CABCOCO1: variants seen among roughly 807,000 people sequenced by gnomAD.
CABCOCO1 encodes ciliary-associated calcium-binding coiled-coil protein 1.
In CABCOCO1, 28 loss-of-function variants were observed where a neutral mutation model predicts 35.7. That is an observed-to-expected ratio of 0.78 (90% CI 0.58 to 1.07). The LOEUF (loss-of-function observed/expected upper bound fraction) is 1.07, where lower values mean the gene tolerates loss of function less well. Among genes scored for constraint, CABCOCO1 ranks in the 50% least tolerant of loss-of-function variants. The probability of loss-of-function intolerance (pLI) is 0.00; values close to 1 mark genes in which losing one functional copy is unlikely to be tolerated. For synonymous variants in CABCOCO1, 95 were observed against 100.1 expected, an observed-to-expected ratio of 0.95 and a Z score of 0.30; for missense variants, 326 against 309.2, an observed-to-expected ratio of 1.05 and a Z score of -0.41.
At chr10:61,753,371 T>G (rs1841833194) in intron 5 of CABCOCO1, among the ~76,000 whole-genome samples, 1 of 152,152 alleles carries the variant, frequency 6.6e-6, no homozygotes, top group Non-Finnish European at 1.5e-5. Context: ...CATTCAATTT[T>G]TTTAACTATT....
chr10:61,766,372 G>C lies in CABCOCO1; in HGVS notation c.*359G>C, dbSNP rs968227965. The C allele has an allele frequency of 1.2e-5, 2 of 161,526 alleles. No individual in the cohort carries two copies. The highest frequency in any genetic ancestry group is 4.8e-5 in the African/African-American group (2 of 41,554). 10.0% of individuals were successfully genotyped at this position (161,526 alleles called of 1,614,324 possible). Reference sequence around the variant, plus strand: ...AACTTTTTAAATAACCAGAAATAAAGAAAGATGATAATAACTTCATCCATT... The same window carrying C: ...AACTTTTTAAATAACCAGAAATAAACAAAGATGATAATAACTTCATCCATT... On this transcript the variant is annotated 3_prime_UTR_variant, in exon 8 of 8. Coordinates refer to ENST00000648843, the MANE Select transcript of CABCOCO1 (RefSeq NM_001366906.2).
At chr10:61,700,877 G>A (rs1810620984) in intron 5 of CABCOCO1, among the ~76,000 whole-genome samples, 1 of 151,950 alleles carries the variant, frequency 6.6e-6, no homozygotes, top group South Asian at 2.1e-4. Context: ...GCTACTAAAT[G>A]TGTCCATTGT....
At chr10:61,704,460 C>T (rs1205631098) in intron 5 of CABCOCO1, among the ~76,000 whole-genome samples, 1 of 152,176 alleles carries the variant, frequency 6.6e-6, no homozygotes, top group African/African-American at 2.4e-5. Context: ...CACTTGGCAG[C>T]ATCTGGAGAG....
intron 3 of CABCOCO1, among the ~76,000 whole-genome samples, chr10:61,682,143 C>A (rs1839811382): frequency 6.6e-6 from 1 of 152,078 alleles, no homozygotes; most frequent in Non-Finnish European, 1.5e-5. Flanking sequence ...GAAGATATTT[C>A]TTTTTTAAAC....
intron 5 of CABCOCO1, among the ~76,000 whole-genome samples, chr10:61,739,824 C>G (rs368187278): frequency 2.9e-4 from 44 of 152,236 alleles, no homozygotes; most frequent in Admixed American, 1.7e-3. Flanking sequence ...TGCCTGTAGT[C>G]CCAGCTACAC....
At chr10:61,713,635 T>C (rs1194945388) in intron 5 of CABCOCO1, among the ~76,000 whole-genome samples, 5 of 152,216 alleles carry the variant, frequency 3.3e-5, no homozygotes, top group Non-Finnish European at 7.3e-5. Flanking sequence ...CCGTATGATA[T>C]TGGCTGTGGG....
At chr10:61,761,092 G>A (rs1842000043) in intron 7 of CABCOCO1, 89 bp downstream of exon 7, 2 of 1,345,394 alleles carry the variant, frequency 1.5e-6, no homozygotes, top group African/African-American at 3.0e-5. Flanking sequence ...TCCCCACACT[G>A]CCAGCATGAG....
Position 61,766,202 on chromosome 10 carries a change from C to G in CABCOCO1, c.*189C>G. ...TTTGCTATCTCCCATCCCATAACAG[C>G]CTCTGAATTTATTGCACCAAGTGTA... On this transcript the variant is annotated 3_prime_UTR_variant, in exon 8 of 8. Transcript: ENST00000648843. The G allele has an allele frequency of 2.1e-6, 1 of 475,116 alleles. No homozygotes were observed. Among genetic ancestry groups the G allele is most frequent in the South Asian group, 3.8e-5 (1 of 26,364 alleles). The allele number at this position is 475,116 out of a possible 1,614,324, so 29.4% of individuals were successfully genotyped here. A position where few individuals can be genotyped will look rare whatever the true frequency, so the allele number is the denominator to read the frequency against.
intron 5 of CABCOCO1, among the ~76,000 whole-genome samples, chr10:61,693,266 GC>G (rs1470254390): frequency 6.6e-6 from 1 of 152,112 alleles, no homozygotes; most frequent in Non-Finnish European, 1.5e-5. Flanking sequence ...AGAAGTGTTT[GC>G]TAACCCTTGG....
chr10:61,705,861 T>G (rs1210464248), intron 5 of CABCOCO1, among the ~76,000 whole-genome samples: 1 of 152,198 alleles, frequency 6.6e-6, no homozygotes, highest in South Asian at 2.1e-4. Context: ...TTTTAAAACA[T>G]GAAATCTATT....
At position 61,673,061 on chromosome 10, in the gene CABCOCO1, A is replaced by G. The variant is rs116018280; in HGVS notation, c.164+326A>G. On this transcript the variant is annotated intron_variant, in intron 2 of 7. Transcript: ENST00000648843. ...ACTGTCAATATGCACATTAACTTAAAGAATGTTCTCCCTCGTTGTAAGAAG... is the reference window on the plus strand; with the variant it reads ...ACTGTCAATATGCACATTAACTTAAGGAATGTTCTCCCTCGTTGTAAGAAG... Among the ~76,000 whole-genome samples the G allele has an allele frequency of 4.4e-3, 672 of 152,274 alleles. 6 individuals are homozygous for G. Among genetic ancestry groups the G allele is most frequent in the African/African-American group, 0.016 (653 of 41,554 alleles).
At chr10:61,671,967 C>T (rs1425673569) in intron 1 of CABCOCO1, among the ~76,000 whole-genome samples, 1 of 152,184 alleles carries the variant, frequency 6.6e-6, no homozygotes, top group Non-Finnish European at 1.5e-5. Flanking sequence ...TAAGATTGCC[C>T]ACCATACCTT....
At chr10:61,686,277 C>T in intron 4 of CABCOCO1, 92 bp downstream of exon 4, 1 of 1,097,164 alleles carries the variant, frequency 9.1e-7, no homozygotes, top group Non-Finnish European at 1.3e-6. Flanking sequence ...TTAGCAGATT[C>T]AGATATTTAC....
intron 2 of CABCOCO1, among the ~76,000 whole-genome samples, chr10:61,676,283 A>G (rs1486012841): frequency 2.0e-5 from 3 of 152,212 alleles, no homozygotes; most frequent in African/African-American, 7.2e-5. Flanking sequence ...AAATCAGTTC[A>G]TTGGTGAATT....
intron 5 of CABCOCO1, among the ~76,000 whole-genome samples, chr10:61,746,075 T>TA (rs1841653306): frequency 1.3e-5 from 2 of 152,322 alleles, no homozygotes; most frequent in Non-Finnish European, 2.9e-5. Context: ...GTCTACAAAA[T>TA]ATAGGCCTAT....
chr10:61,706,781 C>A (rs1299744065), intron 5 of CABCOCO1, among the ~76,000 whole-genome samples: 1 of 151,992 alleles, frequency 6.6e-6, no homozygotes, highest in African/African-American at 2.4e-5. Flanking sequence ...TTCCCAGCTC[C>A]CTCTCCATTG....
At chr10:61,674,445 A>T (rs1014483063) in intron 2 of CABCOCO1, among the ~76,000 whole-genome samples, 2 of 152,162 alleles carry the variant, frequency 1.3e-5, no homozygotes, top group African/African-American at 4.8e-5. Context: ...TTATGTTAGG[A>T]GCCATTTCTT....
chr10:61,702,112 T>C (rs1240981356), intron 5 of CABCOCO1, among the ~76,000 whole-genome samples: 1 of 152,150 alleles, frequency 6.6e-6, no homozygotes, highest in Non-Finnish European at 1.5e-5. Flanking sequence ...ATGGAATGAA[T>C]TGAGAGATAA....
At chr10:61,687,200 A>T (rs1021226282) in intron 4 of CABCOCO1, among the ~76,000 whole-genome samples, 3 of 152,350 alleles carry the variant, frequency 2.0e-5, no homozygotes, top group African/African-American at 7.2e-5. Context: ...AATAACATTT[A>T]AAACAATGTG....
Sources: allele counts gnomAD v4.1 joint callset (sites outside exome capture counted in the v4.1 genomes callset), GRCh38; gene constraint gnomAD v4.1.1; transcripts MANE v1.5; gene names NCBI Gene and HGNC (gene_info 2026-07-23, HGNC 2026-07-21).